Variants in CHST9 observed in about 807,000 individuals in gnomAD.
CHST9 encodes GalNAc-4-sulfotransferase 2.
A neutral mutation model predicts 44.4 loss-of-function variants in CHST9; 41 were observed. That is an observed-to-expected ratio of 0.92 (90% CI 0.72 to 1.20). The LOEUF (loss-of-function observed/expected upper bound fraction) is 1.20. Ranked by LOEUF, CHST9 falls within the 50% of genes most tolerant of loss-of-function variation. CHST9 has a pLI of 0.00. For synonymous variants in CHST9, 171 were observed against 178.4 expected (o/e 0.96, Z 0.33); for missense variants, 504 against 516.5 (o/e 0.98, Z 0.23).
chr18:27,055,018 C>T (rs2057638196), intron 2 of CHST9, among the ~76,000 whole-genome samples: 1 of 152,062 alleles, frequency 6.6e-6, no homozygotes, highest in Admixed American at 6.6e-5. Context: ...ATGAAACTTG[C>T]CTCACCGCAC....
rs367864262 is a variant in CHST9 at position 27,146,237 on chromosome 18, C to A, written c.-96-3332G>T. On this transcript the variant is annotated intron_variant, in intron 1 of 5. Coordinates refer to ENST00000618847, the MANE Select transcript of CHST9 (RefSeq NM_031422.6). ...AGATGTTACTATCCTCTGACATATC[C>A]TCCTGGGTGAGAAAGCAGTAGAAAA... Among the ~76,000 whole-genome samples, 11 of 152,240 alleles carry A rather than the reference C, an allele frequency of 7.2e-5. No homozygotes were observed. The South Asian group carries it at 2.1e-3, about 29-fold the overall frequency.
intron 1 of CHST9, among the ~76,000 whole-genome samples, chr18:27,179,257 A>G (rs2143978344): frequency 6.6e-6 from 1 of 152,156 alleles, no homozygotes; most frequent in East Asian, 1.9e-4. Flanking sequence ...AGAAATAAGG[A>G]CCAGAAGAAG....
intron 2 of CHST9, among the ~76,000 whole-genome samples, chr18:27,100,042 C>G (rs773575933): frequency 1.3e-5 from 2 of 151,678 alleles, no homozygotes; most frequent in Non-Finnish European, 2.9e-5. Context: ...TATACACACA[C>G]ACATATATAT....
chr18:26,985,220 A>G (rs1228332857), intron 4 of CHST9, among the ~76,000 whole-genome samples: 1 of 152,240 alleles, frequency 6.6e-6, no homozygotes, highest in East Asian at 1.9e-4. Flanking sequence ...TAAGCATATG[A>G]TTAAGCAAAA....
chr18:27,070,742 T>A (rs1364466334), intron 2 of CHST9, among the ~76,000 whole-genome samples: 2 of 152,228 alleles, frequency 1.3e-5, no homozygotes, highest in Non-Finnish European at 2.9e-5. Context: ...CCTTGCTTTT[T>A]GTTGTCCTTG....
At chr18:27,027,529 T>C (rs2143477944) in intron 3 of CHST9, among the ~76,000 whole-genome samples, 1 of 152,344 alleles carries the variant, frequency 6.6e-6, no homozygotes, top group African/African-American at 2.4e-5. Context: ...TTGTTTTATC[T>C]TTTCTTTTAA....
intron 5 of CHST9, chr18:26,935,573 A>T (rs908092167): frequency 2.0e-5 from 3 of 152,234 alleles, no homozygotes; most frequent in African/African-American, 7.2e-5. Flanking sequence ...CTAATCATTC[A>T]ACATAGTAAA....
chr18:27,171,874 G>A (rs138809032), intron 1 of CHST9, among the ~76,000 whole-genome samples: 18 of 152,240 alleles, frequency 1.2e-4, no homozygotes, highest in Non-Finnish European at 1.5e-5. Context: ...TAATTGCAAT[G>A]TTTTAATACA....
chr18:27,055,987 T>C (rs967558446), intron 2 of CHST9, among the ~76,000 whole-genome samples: 2 of 151,994 alleles, frequency 1.3e-5, no homozygotes, highest in African/African-American at 4.8e-5. Flanking sequence ...GTTTGGCATA[T>C]CCATAAGCCA....
At position 26,916,203 on chromosome 18, in the gene CHST9, C is replaced by G; in HGVS notation, c.*56G>C. ...ACAGAGAATTATAGAAAAATTACAGCTGATTTGAACTTATCATCATTAAGT... is the reference window on the plus strand; with the variant it reads ...ACAGAGAATTATAGAAAAATTACAGGTGATTTGAACTTATCATCATTAAGT... On this transcript the variant is annotated 3_prime_UTR_variant, in exon 6 of 6. Transcript: ENST00000618847. 1.1e-5 allele frequency: 14 copies of G among 1,276,762 alleles called. No individual in the cohort carries two copies. The highest frequency in any genetic ancestry group is 1.5e-5 in the Non-Finnish European group (14 of 921,808). 79.1% of individuals were successfully genotyped at this position (1,276,762 alleles called of 1,614,324 possible).
chr18:27,112,237 C>T (rs2058277562), intron 2 of CHST9, among the ~76,000 whole-genome samples: 2 of 151,076 alleles, frequency 1.3e-5, no homozygotes, highest in Non-Finnish European at 2.9e-5. Context: ...GATCTACCAT[C>T]TGCAAGCTGG....
rs570654538 is a variant in CHST9 at position 27,089,080 on chromosome 18, C to G, written c.122-40577G>C. Among the ~76,000 whole-genome samples, 4 of 152,300 alleles carry G rather than the reference C, an allele frequency of 2.6e-5. No individual in the cohort carries two copies. The East Asian group carries it at 5.8e-4, about 22-fold the overall frequency. On this transcript the variant is annotated intron_variant, in intron 2 of 5. Coordinates refer to ENST00000618847, the MANE Select transcript of CHST9 (RefSeq NM_031422.6). ...TTCACACTATTCGTAAAACTTAGAA[C>G]CAATATTCCATGTAATTGTTAATGA... is the stretch of plus-strand genomic sequence containing the variant.
At chr18:26,923,522 AT>A (rs1278466096) in intron 5 of CHST9, among the ~76,000 whole-genome samples, 1 of 145,350 alleles carries the variant, frequency 6.9e-6, no homozygotes, top group Non-Finnish European at 1.5e-5. Flanking sequence ...ACAAATTCAC[AT>A]TGGTTTTATA....
chr18:26,988,480 A>G (rs528670671), intron 4 of CHST9, among the ~76,000 whole-genome samples: 4 of 152,326 alleles, frequency 2.6e-5, no homozygotes, highest in African/African-American at 4.8e-5. Context: ...TAAAAGGACA[A>G]TAAGTCACAA....
intron 4 of CHST9, among the ~76,000 whole-genome samples, chr18:27,020,110 G>A (rs909737549): frequency 1.3e-5 from 2 of 152,224 alleles, no homozygotes; most frequent in African/African-American, 4.8e-5. Flanking sequence ...CATGACACTA[G>A]GAGATTAAAG....
intron 4 of CHST9, among the ~76,000 whole-genome samples, chr18:26,994,926 CAG>C (rs375774300): frequency 6.2e-4 from 95 of 152,022 alleles, no homozygotes; most frequent in African/African-American, 2.1e-3. Context: ...TAGTATATAG[CAG>C]AGTGACAGGA....
chr18:27,048,584 C>G, intron 2 of CHST9, 81 bp from the exon 3 acceptor site: 1 of 1,203,662 alleles, frequency 8.3e-7, no homozygotes, highest in Non-Finnish European at 1.2e-6. Flanking sequence ...CAGTTTACAG[C>G]AATTTCCAAA....
At chr18:26,990,108 C>T (rs2056799024) in intron 4 of CHST9, among the ~76,000 whole-genome samples, 2 of 152,212 alleles carry the variant, frequency 1.3e-5, no homozygotes, top group South Asian at 4.1e-4. Context: ...CTTGATGATT[C>T]TCATGATAAC....
intron 2 of CHST9, among the ~76,000 whole-genome samples, chr18:27,121,664 C>T (rs2058375626): frequency 6.6e-6 from 1 of 152,036 alleles, no homozygotes; most frequent in South Asian, 2.1e-4. Context: ...ATGTCAAACG[C>T]AGGAATCTGC....
Sources: allele counts gnomAD v4.1 joint callset (sites outside exome capture counted in the v4.1 genomes callset), GRCh38; gene constraint gnomAD v4.1.1; transcripts MANE v1.5; gene names NCBI Gene and HGNC (gene_info 2026-07-23, HGNC 2026-07-21).